Variants in PTK7 observed in about 807,000 individuals in gnomAD.
PTK7 encodes protein tyrosine kinase 7 (inactive), also known as inactive tyrosine-protein kinase 7.
Under a neutral mutation model 116.6 loss-of-function variants are expected in PTK7, and 39 were observed. That is an observed-to-expected ratio of 0.33 (90% CI 0.26 to 0.44). PTK7 has a LOEUF of 0.44. PTK7 is among the 20% of genes least tolerant of loss of function. The pLI, the probability that PTK7 is intolerant of heterozygous loss-of-function variation, is 1.00. For missense variants in PTK7, 1,169 were observed against 1,425.6 expected, an observed-to-expected ratio of 0.82 and a Z score of 2.90; for synonymous variants, 546 against 563.6, an observed-to-expected ratio of 0.97 and a Z score of 0.44.
chr6:43,100,364 C>T (rs1464825919), intron 1 of PTK7, among the ~76,000 whole-genome samples: 1 of 142,526 alleles, frequency 7.0e-6, no homozygotes, highest in Non-Finnish European at 1.5e-5. Flanking sequence ...GCCTGGGTGA[C>T]AGAGCGAGAC....
At chr6:43,146,731 G>A in intron 17 of PTK7, 33 bp downstream of exon 17, 1 of 1,590,662 alleles carries the variant, frequency 6.3e-7, no homozygotes, top group Non-Finnish European at 8.6e-7. Flanking sequence ...GGAGGGAGAG[G>A]GTGCCCAGGG....
At chr6:43,123,833 GC>G (rs1251031345) in intron 1 of PTK7, among the ~76,000 whole-genome samples, 1 of 152,216 alleles carries the variant, frequency 6.6e-6, no homozygotes, top group Non-Finnish European at 1.5e-5. Context: ...CGGGGAAGCA[GC>G]ACCCTCTGCG....
intron 1 of PTK7, among the ~76,000 whole-genome samples, chr6:43,089,030 C>T (rs1275111667): frequency 6.6e-6 from 1 of 152,124 alleles, no homozygotes; most frequent in African/African-American, 2.4e-5. Flanking sequence ...TAGATGTGCC[C>T]ACGCTTGGTG....
intron 1 of PTK7, among the ~76,000 whole-genome samples, chr6:43,091,200 G>A (rs959314814): frequency 7.1e-5 from 10 of 140,790 alleles, no homozygotes; most frequent in African/African-American, 1.9e-4. Context: ...TCACTCTGTC[G>A]CCCAAGCTGG....
chr6:43,157,357 TATATA>T (rs1190392150), intron 17 of PTK7, among the ~76,000 whole-genome samples: 276 of 7,392 alleles, frequency 0.037, 33 homozygotes, highest in African/African-American at 0.097. Context: ...TATATATATA[TATATA>T]TATTTTTTTT....
At chr6:43,156,339 C>A (rs1771431282) in intron 17 of PTK7, among the ~76,000 whole-genome samples, 1 of 151,544 alleles carries the variant, frequency 6.6e-6, no homozygotes, top group Admixed American at 6.6e-5. Context: ...CAGTGGCTCA[C>A]ACCTGTGATC....
chr6:43,087,486 C>G (rs1183935675), intron 1 of PTK7, among the ~76,000 whole-genome samples: 1 of 152,186 alleles, frequency 6.6e-6, no homozygotes, highest in Non-Finnish European at 1.5e-5. Context: ...AGTGGCAGGA[C>G]CTCAGTCCCA....
At chr6:43,124,910 C>T (rs1245870991) in intron 1 of PTK7, among the ~76,000 whole-genome samples, 1 of 151,872 alleles carries the variant, frequency 6.6e-6, no homozygotes, top group African/African-American at 2.4e-5. Flanking sequence ...GGGTGGCTCA[C>T]GCCTGTAATC....
intron 5 of PTK7, chr6:43,131,601 G>C (rs993160017): frequency 4.5e-6 from 1 of 221,736 alleles, no homozygotes; most frequent in African/African-American, 2.4e-5. Flanking sequence ...ATCAGATCTC[G>C]TGAGACTTGT....
chr6:43,122,067 C>T (rs1026822098), intron 1 of PTK7, among the ~76,000 whole-genome samples: 7 of 152,014 alleles, frequency 4.6e-5, no homozygotes, highest in African/African-American at 1.2e-4. Context: ...GCTTGGGCCT[C>T]GGAGGTTGAG....
intron 13 of PTK7, chr6:43,142,513 G>A: frequency 1.3e-6 from 1 of 773,636 alleles, no homozygotes; most frequent in Non-Finnish European, 2.2e-6. Context: ...GTGTGTGTGT[G>A]TGTGTGTTGT....
intron 18 of PTK7, 95 bp from the exon 19 acceptor site, chr6:43,159,693 C>T (rs772439902): frequency 2.2e-6 from 3 of 1,344,098 alleles, no homozygotes; most frequent in African/African-American, 1.4e-5. Flanking sequence ...GGCTGGGCCC[C>T]CGGCTTGGGG....
chr6:43,095,778 A>C (rs4714664), intron 1 of PTK7, among the ~76,000 whole-genome samples: 16,447 of 152,232 alleles, frequency 0.11, 1,415 homozygotes, highest in East Asian at 0.32. Context: ...ATGGATGTAC[A>C]GCTAAGGGCA....
At chr6:43,122,107 A>G (rs1768999494) in intron 1 of PTK7, among the ~76,000 whole-genome samples, 1 of 152,194 alleles carries the variant, frequency 6.6e-6, no homozygotes, top group Admixed American at 6.5e-5. Flanking sequence ...GCATCACTGC[A>G]CTTCAGTGTG....
At chr6:43,078,648 G>C (rs1766196354) in intron 1 of PTK7, among the ~76,000 whole-genome samples, 1 of 152,194 alleles carries the variant, frequency 6.6e-6, no homozygotes, top group Non-Finnish European at 1.5e-5. Flanking sequence ...ACCTAGGCTG[G>C]CTAGGTTTGT....
At chr6:43,136,740 G>A (rs545668158) in intron 7 of PTK7, among the ~76,000 whole-genome samples, 1 of 152,110 alleles carries the variant, frequency 6.6e-6, no homozygotes, top group Non-Finnish European at 1.5e-5. Context: ...AGTGGCTCAC[G>A]CTGCAATCCC....
intron 18 of PTK7, 21 bp from the exon 19 acceptor site, chr6:43,159,766 CT>C: frequency 6.2e-7 from 1 of 1,613,974 alleles, no homozygotes; most frequent in Non-Finnish European, 8.5e-7. Flanking sequence ...CACCTCACCC[CT>C]GGGTTGCTTC....
At chr6:43,104,386 TAATTAAAACA>T (rs1208091866) in intron 1 of PTK7, among the ~76,000 whole-genome samples, 7 of 152,230 alleles carry the variant, frequency 4.6e-5, no homozygotes, top group African/African-American at 2.4e-5. Flanking sequence ...GAAACAATGC[TAATTAAAACA>T]AAGTATTTTT....
At chr6:43,102,396 G>C (rs1164230017) in intron 1 of PTK7, among the ~76,000 whole-genome samples, 2 of 152,216 alleles carry the variant, frequency 1.3e-5, no homozygotes, top group South Asian at 2.1e-4. Context: ...CTGCACTCCA[G>C]CTTGGGCAAC....
Sources: gnomAD v4.1 joint callset for allele counts (sites outside exome capture counted in the v4.1 genomes callset) on GRCh38, gnomAD v4.1.1 for gene constraint, MANE v1.5 for transcripts, NCBI Gene and HGNC (gene_info 2026-07-23, HGNC 2026-07-21) for gene names.